Variants in ANO2 observed in about 807,000 individuals in gnomAD.
ANO2 encodes the protein anoctamin 2.
In ANO2, 101 loss-of-function variants were observed where a neutral mutation model predicts 124.2. That is an observed-to-expected ratio of 0.81 (90% CI 0.69 to 0.96). ANO2 has a LOEUF of 0.96. Among genes scored for constraint, ANO2 ranks in the 40% least tolerant of loss-of-function variants. The probability of loss-of-function intolerance (pLI) is 0.00; values close to 1 mark genes in which losing one functional copy is unlikely to be tolerated. For missense variants in ANO2, 1,293 were observed against 1,274.5 expected (o/e 1.01, Z -0.22); for synonymous variants, 486 against 482.5 (o/e 1.01, Z -0.09).
At chr12:5,852,570 T>C (rs1461555227) in intron 4 of ANO2, among the ~76,000 whole-genome samples, 2 of 152,106 alleles carry the variant, frequency 1.3e-5, no homozygotes, top group South Asian at 2.1e-4. Flanking sequence ...CATGTGCTGG[T>C]ATTTGATGAG....
intron 16 of ANO2, among the ~76,000 whole-genome samples, chr12:5,634,901 G>A (rs943524605): frequency 2.0e-5 from 3 of 152,166 alleles, no homozygotes; most frequent in Admixed American, 6.5e-5. Flanking sequence ...TGAGTGCCCT[G>A]TCACATGAGG....
intron 14 of ANO2, among the ~76,000 whole-genome samples, chr12:5,719,862 T>C (rs1300908755): frequency 1.8e-4 from 28 of 152,162 alleles, no homozygotes. Context: ...GTAACCTGAT[T>C]GACCAAGCAC....
At chr12:5,624,492 C>A (rs561698302) in intron 16 of ANO2, among the ~76,000 whole-genome samples, 28 of 152,244 alleles carry the variant, frequency 1.8e-4, no homozygotes, top group African/African-American at 6.3e-4. Flanking sequence ...GGTCATCTGG[C>A]AAATGCACAC....
intron 1 of ANO2, among the ~76,000 whole-genome samples, chr12:5,931,947 G>T: frequency 2.4e-5 from 3 of 125,674 alleles, no homozygotes; most frequent in Admixed American, 7.6e-5. Context: ...GAAGGTAGAC[G>T]AGTGAGGAAA....
At chr12:5,807,664 A>G (rs752236277) in intron 7 of ANO2, among the ~76,000 whole-genome samples, 2 of 152,198 alleles carry the variant, frequency 1.3e-5, no homozygotes, top group Non-Finnish European at 2.9e-5. Context: ...TTCCACCACC[A>G]TCAGGTGAGA....
chr12:5,879,146 AAAGG>A (rs1322007320), intron 3 of ANO2, among the ~76,000 whole-genome samples: 2 of 152,330 alleles, frequency 1.3e-5, no homozygotes, highest in Admixed American at 1.3e-4. Flanking sequence ...GGGAAAAGGG[AAAGG>A]AAGCAGAAGC....
At chr12:5,917,367 A>G (rs1393634091) in intron 3 of ANO2, among the ~76,000 whole-genome samples, 2 of 152,140 alleles carry the variant, frequency 1.3e-5, no homozygotes, top group African/African-American at 4.8e-5. Flanking sequence ...GCTAAGAAAA[A>G]AAAAAGTATT....
chr12:5,804,503 A>T (rs1953132084), intron 9 of ANO2, among the ~76,000 whole-genome samples: 1 of 152,180 alleles, frequency 6.6e-6, no homozygotes, highest in Non-Finnish European at 1.5e-5. Context: ...ACCTTCACGA[A>T]GCATCTTTCT....
At chr12:5,657,448 C>T (rs1947214371) in intron 14 of ANO2, among the ~76,000 whole-genome samples, 1 of 151,640 alleles carries the variant, frequency 6.6e-6, no homozygotes, top group Non-Finnish European at 1.5e-5. Flanking sequence ...CAGCGAAACT[C>T]CAGAAAGAGA....
At chr12:5,646,614 G>T (rs543435490) in intron 15 of ANO2, among the ~76,000 whole-genome samples, 242 of 152,176 alleles carry the variant, frequency 1.6e-3, no homozygotes, top group Non-Finnish European at 2.1e-3. Context: ...TATTGCGGGG[G>T]GCTTTGAAGT....
intron 4 of ANO2, among the ~76,000 whole-genome samples, chr12:5,853,739 C>T (rs900513110): frequency 1.3e-5 from 2 of 152,092 alleles, no homozygotes; most frequent in Non-Finnish European, 2.9e-5. Context: ...TACTAGGACC[C>T]CGAGAAGAGA....
intron 13 of ANO2, among the ~76,000 whole-genome samples, chr12:5,738,826 C>T (rs919125730): frequency 6.6e-6 from 1 of 152,176 alleles, no homozygotes; most frequent in Non-Finnish European, 1.5e-5. Flanking sequence ...TAGCTCACGC[C>T]TCCCCAACTC....
rs530328425 is a variant in ANO2, at chr12:5,942,038, G to A, written c.22+3158C>T. The stretch of plus-strand genomic sequence containing the variant: ...GGATGTTCTGCAGGCTGAAGGGAAA[G>A]GATAACAAATGGAAATGCGATTAAG... On this transcript the variant is annotated intron_variant, in intron 1 of 24. Coordinates refer to ENST00000682330, the MANE Select transcript of ANO2 (RefSeq NM_001364791.2). 5.3e-5 allele frequency among the ~76,000 whole-genome samples: 8 copies of A among 152,220 alleles called. No individual in the cohort carries two copies. The East Asian group carries it at 1.5e-3, about 29-fold the overall frequency.
At position 5,921,239 on chromosome 12, in the gene ANO2, A is replaced by T; in HGVS notation, c.335T>A (p.Val112Glu). ...VLAYHYRKRG[V>E]HLAQGFPGHS... is the part of the protein sequence containing the mutation. The stretch of plus-strand genomic sequence containing the variant: ...GCCAGGGAAGCCTTGGGCCAGGTGC[A>T]CCCCGCGTTTCCGGTAGTGGTAGGC... The change falls in exon 3 of 25, where the codon GTG becomes GAG. Residue 112 changes from valine to glutamate, a missense_variant. By Grantham distance (121) the Val-to-Glu change is moderately radical. Transcript: ENST00000682330. 1.2e-6 allele frequency: 2 copies of T among 1,613,574 alleles called. No individual in the cohort carries two copies. Among genetic ancestry groups the T allele is most frequent in the Non-Finnish European group, 1.7e-6 (2 of 1,179,722 alleles).
chr12:5,943,174 T>C (rs543605749), intron 1 of ANO2, among the ~76,000 whole-genome samples: 36 of 152,326 alleles, frequency 2.4e-4, no homozygotes, highest in African/African-American at 8.2e-4. Flanking sequence ...TGTATGTTTA[T>C]AGCAGCTCAA....
intron 3 of ANO2, among the ~76,000 whole-genome samples, chr12:5,873,183 T>A (rs114233560): frequency 1.2e-3 from 177 of 144,210 alleles, no homozygotes; most frequent in African/African-American, 4.3e-3. Flanking sequence ...CTTTGTTACT[T>A]TTGCCTAAAG....
At chr12:5,793,030 A>T (rs1470188369) in intron 10 of ANO2, among the ~76,000 whole-genome samples, 1 of 152,184 alleles carries the variant, frequency 6.6e-6, no homozygotes, top group Non-Finnish European at 1.5e-5. Flanking sequence ...ATGGAAACGC[A>T]GAAAGTCCTA....
intron 10 of ANO2, among the ~76,000 whole-genome samples, chr12:5,770,866 T>C (rs1952057325): frequency 6.6e-6 from 1 of 152,150 alleles, no homozygotes; most frequent in African/African-American, 2.4e-5. Context: ...CCACACCTGC[T>C]CCCACTTCCA....
In ANO2 at chr12:5,563,419, C is replaced by A. The variant is rs773072124; in HGVS notation, c.2877G>T (p.Pro959=). ...EHEKLKLMDE[P]ALRSPGGGDR... ...CCCCACCTCCTGGGCTCCTCAGAGC[C>A]GGCTCATCCATCAGCTTGAGCTTCT... The change falls in exon 25 of 25, where the codon CCG becomes CCT. Residue 959 remains proline (P), a synonymous_variant. Coordinates refer to ENST00000682330, the MANE Select transcript of ANO2 (RefSeq NM_001364791.2). 3.1e-6 allele frequency: 5 copies of A among 1,612,106 alleles called. No individual in the cohort carries two copies. Among genetic ancestry groups the A allele is most frequent in the Admixed American group, 3.3e-5 (2 of 59,792 alleles).
Sources: allele counts gnomAD v4.1 joint callset (sites outside exome capture counted in the v4.1 genomes callset), GRCh38; gene constraint gnomAD v4.1.1; transcripts MANE v1.5; gene names NCBI Gene and HGNC (gene_info 2026-07-23, HGNC 2026-07-21).